Variants in CAST observed in about 807,000 individuals in gnomAD.
CAST encodes the protein calpastatin, also known as MIR583 host.
In CAST, 76 loss-of-function variants were observed where a neutral mutation model predicts 119.6. The ratio of observed to expected loss-of-function variants is 0.64; its 90% confidence interval spans 0.53 to 0.77. CAST has a LOEUF of 0.77. CAST is among the 30% of genes least tolerant of loss of function. The pLI is 0.00. For synonymous variants in CAST, 319 were observed against 331.6 expected, an observed-to-expected ratio of 0.96 and a Z score of 0.41; for missense variants, 953 against 946.5, an observed-to-expected ratio of 1.01 and a Z score of -0.09.
chr5:96,614,919 GC>G (rs5869726), intron 1 of CAST, among the ~76,000 whole-genome samples: 42,185 of 152,054 alleles, frequency 0.28, 7,156 homozygotes, highest in African/African-American at 0.48. Flanking sequence ...CACTGGGGAG[GC>G]CCTCAGCGCT....
the CAST span, chr5:96,397,336 C>T: frequency 1.2e-6 from 2 of 1,612,742 alleles, no homozygotes; most frequent in South Asian, 2.2e-5. Context: ...TCACACTTAC[C>T]ATGTCTGTAA....
At chr5:96,171,842 G>A in the CAST span, among the ~76,000 whole-genome samples, 4 of 152,238 alleles carry the variant, frequency 2.6e-5, no homozygotes, top group Non-Finnish European at 2.9e-5. Flanking sequence ...GTTGGTCTGA[G>A]GACCAGAGGT....
intron 3 of CAST, among the ~76,000 whole-genome samples, chr5:96,715,629 G>A (rs1245784224): frequency 1.3e-5 from 2 of 152,122 alleles, no homozygotes; most frequent in Non-Finnish European, 2.9e-5. Flanking sequence ...ACAGCTCCTG[G>A]TATTTGGAAG....
intron 1 of CAST, among the ~76,000 whole-genome samples, chr5:96,610,757 C>T (rs1171345581): frequency 6.6e-6 from 1 of 152,180 alleles, no homozygotes; most frequent in African/African-American, 2.4e-5. Context: ...TATGATTCTA[C>T]ACCTAGAAAA....
At chr5:96,238,169 GGTT>G in the CAST span, among the ~76,000 whole-genome samples, 1 of 151,742 alleles carries the variant, frequency 6.6e-6, no homozygotes, top group Non-Finnish European at 1.5e-5. Flanking sequence ...CATTCTTTTA[GGTT>G]GTTCTCTTTC....
chr5:96,196,067 CTGGACAGT>C, the CAST span, among the ~76,000 whole-genome samples: 1 of 152,140 alleles, frequency 6.6e-6, no homozygotes, highest in African/African-American at 2.4e-5. Context: ...CAGTTTTGAA[CTGGACAGT>C]TATCTCTATT....
At chr5:96,771,613 A>G (rs1476642402) in intron 30 of CAST, 31 bp from the exon 31 acceptor site, 1 of 1,594,462 alleles carries the variant, frequency 6.3e-7, no homozygotes, top group Non-Finnish European at 8.6e-7. Flanking sequence ...CAGAAAAGAA[A>G]GCTCACGGAT....
At chr5:96,130,778 A>G in the CAST span, among the ~76,000 whole-genome samples, 3 of 152,132 alleles carry the variant, frequency 2.0e-5, no homozygotes, top group African/African-American at 7.2e-5. Flanking sequence ...AAATTTAACC[A>G]ACAAACCAAA....
chr5:95,963,725 CTTTT>C, the CAST span, among the ~76,000 whole-genome samples: 21 of 129,984 alleles, frequency 1.6e-4, no homozygotes, highest in Non-Finnish European at 2.4e-4. Flanking sequence ...TTCTCTCTCT[CTTTT>C]TTTTTTTTTT....
At chr5:96,394,716 A>G in the CAST span, 3 of 725,036 alleles carry the variant, frequency 4.1e-6, no homozygotes, top group Admixed American at 6.3e-5. Flanking sequence ...GTTTTATCCT[A>G]TGGAAAAGAA....
the CAST span, among the ~76,000 whole-genome samples, chr5:96,428,235 CCTTT>C: frequency 3.3e-5 from 5 of 152,106 alleles, no homozygotes. Context: ...AGTTCTATCA[CCTTT>C]CTGTCACATA....
chr5:96,083,039 T>C, the CAST span, among the ~76,000 whole-genome samples: 1 of 152,244 alleles, frequency 6.6e-6, no homozygotes. Flanking sequence ...GCATAGGGTA[T>C]TTGGCTTTCA....
the CAST span, among the ~76,000 whole-genome samples, chr5:96,507,135 C>T: frequency 0.15 from 22,679 of 151,878 alleles, 2,014 homozygotes; most frequent in Non-Finnish European, 0.2. Context: ...TGTATTGGCC[C>T]GAATGCTCAA....
chr5:96,482,061 CAG>C, the CAST span, among the ~76,000 whole-genome samples: 1 of 152,098 alleles, frequency 6.6e-6, no homozygotes, highest in Non-Finnish European at 1.5e-5. Flanking sequence ...TATATTGCTG[CAG>C]AGTTAGCTGG....
At chr5:96,438,587 T>C in the CAST span, among the ~76,000 whole-genome samples, 1 of 152,174 alleles carries the variant, frequency 6.6e-6, no homozygotes, top group East Asian at 1.9e-4. Context: ...TCTGGTGTTT[T>C]CTAATGATTA....
At chr5:96,469,870 T>C in the CAST span, among the ~76,000 whole-genome samples, 1 of 105,718 alleles carries the variant, frequency 9.5e-6, no homozygotes, top group Non-Finnish European at 1.9e-5. Flanking sequence ...TGTGTGTATA[T>C]ATATATATAA....
intron 1 of CAST, among the ~76,000 whole-genome samples, chr5:96,616,250 G>C (rs531986417): frequency 1.3e-5 from 2 of 152,214 alleles, no homozygotes; most frequent in South Asian, 2.1e-4. Flanking sequence ...TACATCTCAG[G>C]CTCCAAGTGT....
chr5:96,561,102 A>T (rs1746347909), intron 1 of CAST, among the ~76,000 whole-genome samples: 1 of 151,372 alleles, frequency 6.6e-6, no homozygotes, highest in Non-Finnish European at 1.5e-5. Flanking sequence ...TATCGCAAGG[A>T]CAAAACACCA....
chr5:96,414,999 G>A, the CAST span, among the ~76,000 whole-genome samples: 1 of 152,190 alleles, frequency 6.6e-6, no homozygotes, highest in East Asian at 1.9e-4. Context: ...GTTTAATGGG[G>A]TTTTATTGTA....
Sources: allele counts gnomAD v4.1 joint callset (sites outside exome capture counted in the v4.1 genomes callset), GRCh38; gene constraint gnomAD v4.1.1; transcripts MANE v1.5; gene names NCBI Gene and HGNC (gene_info 2026-07-23, HGNC 2026-07-21).